Variants in CHCHD5 observed in about 807,000 individuals in gnomAD.
CHCHD5 encodes the protein coiled-coil-helix-coiled-coil-helix domain containing 5, also known as coiled-coil-helix-coiled-coil-helix domain-containing protein 5.
In CHCHD5, 10 loss-of-function variants were observed where a neutral mutation model predicts 16.0. The observed-to-expected ratio is 0.63, with a 90% CI of 0.39 to 1.06. The LOEUF is 1.06. Among genes scored for constraint, CHCHD5 ranks in the 50% least tolerant of loss-of-function variants. The pLI, the probability that CHCHD5 is intolerant of heterozygous loss-of-function variation, is 0.01. For missense variants in CHCHD5, 163 were observed against 153.4 expected, an observed-to-expected ratio of 1.06 and a Z score of -0.33; for synonymous variants, 55 against 56.3, an observed-to-expected ratio of 0.98 and a Z score of 0.10.
chr2:112,588,036 T>C (rs1236971473), intron 3 of CHCHD5: 2 of 152,332 alleles, frequency 1.3e-5, no homozygotes, highest in East Asian at 3.8e-4. Flanking sequence ...ATGCCTGTAA[T>C]CCCAGCACTT....
chr2:112,586,699 CA>C (rs1685237812), intron 3 of CHCHD5: 8 of 1,164,012 alleles, frequency 6.9e-6, no homozygotes, highest in Admixed American at 5.8e-5. Flanking sequence ...TAAAGCTCTC[CA>C]GTGGCTTTGT....
rs1205532904 is a variant in CHCHD5 at position 112,588,957 on chromosome 2, C to T, written c.*68C>T. 1 of 1,195,208 alleles carries T rather than the reference C, an allele frequency of 8.4e-7. No individual in the cohort carries two copies. The highest frequency in any genetic ancestry group is 1.2e-6 in the Non-Finnish European group (1 of 803,664). The allele number at this position is 1,195,208 out of a possible 1,614,324, so 74.0% of individuals were successfully genotyped here. On this transcript the variant is annotated 3_prime_UTR_variant, in exon 4 of 4. Transcript: ENST00000324913. Reference sequence around the variant, plus strand: ...CCCACGCCCCTCCCCTGCAGAGTGGCCAGATGGAGTCCTGAGCCCTGGACA... The same window carrying T: ...CCCACGCCCCTCCCCTGCAGAGTGGTCAGATGGAGTCCTGAGCCCTGGACA...
At chr2:112,586,539 G>A (rs576134415) in intron 3 of CHCHD5, 174 bp downstream of exon 3, 75 of 1,539,810 alleles carry the variant, frequency 4.9e-5, no homozygotes, top group Admixed American at 3.7e-4. Flanking sequence ...TATAGCCCCT[G>A]CTTTAATCCA....
Position 112,588,985 on chromosome 2 carries a change from G to A in CHCHD5, c.*96G>A, listed in dbSNP as rs1685305818. The A allele has an allele frequency of 3.5e-5, 31 of 882,162 alleles. No individual in the cohort carries two copies. Among genetic ancestry groups the A allele is most frequent in the Middle Eastern group, 4.4e-4 (2 of 4,586 alleles). 54.6% of individuals were successfully genotyped at this position (882,162 alleles called of 1,614,324 possible). A position where few individuals can be genotyped will look rare whatever the true frequency, so the allele number is the denominator to read the frequency against. ...GATGGAGTCCTGAGCCCTGGACATGGGCCCGGCTTTCCTGGATATCAGGAC... is the reference window on the plus strand; with the variant it reads ...GATGGAGTCCTGAGCCCTGGACATGAGCCCGGCTTTCCTGGATATCAGGAC... On this transcript the variant is annotated 3_prime_UTR_variant, in exon 4 of 4. Coordinates refer to ENST00000324913, the MANE Select transcript of CHCHD5 (RefSeq NM_032309.4).
intron 3 of CHCHD5, 191 bp from the exon 4 acceptor site, chr2:112,588,675 G>A (rs1374756032): frequency 8.8e-6 from 5 of 568,190 alleles, no homozygotes; most frequent in East Asian, 6.1e-5. Flanking sequence ...GCAGAATGGC[G>A]CGTTCCCTGC....
chr2:112,589,026 ACT>A lies in CHCHD5; in HGVS notation c.*140_*141del, dbSNP rs1362655461. 6.1e-6 allele frequency: 4 copies of A among 657,118 alleles called. No individual in the cohort carries two copies. Among genetic ancestry groups the A allele is most frequent in the South Asian group, 1.8e-5 (1 of 56,034 alleles). The allele number at this position is 657,118 out of a possible 1,614,324, so 40.7% of individuals were successfully genotyped here. A position where few individuals can be genotyped will look rare whatever the true frequency, so the allele number is the denominator to read the frequency against. ...ATATCAGGACTTCCAATAAATAAAGACTCTGTATACTGGGCTTTGATTCCTGC... is the reference window on the plus strand; with the variant it reads ...ATATCAGGACTTCCAATAAATAAAGACTGTATACTGGGCTTTGATTCCTGC... On this transcript the variant is annotated 3_prime_UTR_variant, in exon 4 of 4. Transcript: ENST00000324913.
chr2:112,586,638 G>A (rs1240451831), intron 3 of CHCHD5: 48 of 1,457,166 alleles, frequency 3.3e-5, no homozygotes, highest in East Asian at 1.7e-4. Context: ...TCCATAAAGC[G>A]GCCTGGGTGA....
chr2:112,588,291 CAA>C (rs1190688640), intron 3 of CHCHD5: 24 of 97,830 alleles, frequency 2.5e-4, no homozygotes, highest in Admixed American at 5.5e-4. Context: ...CTCTGTCTTC[CAA>C]AAAAAAAAAA....
chr2:112,584,579 C>T (rs1685143885), upstream of CHCHD5: 1 of 1,608,160 alleles, frequency 6.2e-7, no homozygotes, highest in Admixed American at 1.7e-5. Context: ...TGGGCGCCGC[C>T]ATGACAACCG....
In CHCHD5 at chr2:112,586,838, G is replaced by A. The variant is rs1685241530; in HGVS notation, c.309+473G>A. ...TACTCCTCATCTGCAACTGCAGAGGGGCTGGGCTGGGGTGGCCAAAAAAAG... is the reference window on the plus strand; with the variant it reads ...TACTCCTCATCTGCAACTGCAGAGGAGCTGGGCTGGGGTGGCCAAAAAAAG... On this transcript the variant is annotated intron_variant, in intron 3 of 3. Transcript: ENST00000324913. The A allele has an allele frequency of 2.3e-5, 10 of 435,352 alleles. No individual in the cohort carries two copies. The East Asian group carries it at 3.7e-4, about 16-fold the overall frequency. The allele number at this position is 435,352 out of a possible 1,614,324, so 27.0% of individuals were successfully genotyped here.
chr2:112,586,655 A>C (rs1685236843), intron 3 of CHCHD5: 1 of 1,424,422 alleles, frequency 7.0e-7, no homozygotes, highest in Non-Finnish European at 9.2e-7. Context: ...GTGAGCATGT[A>C]AGGACTGAAA....
chr2:112,586,027 A>C lies in CHCHD5; in HGVS notation c.56A>C (p.Tyr19Ser). The C allele has an allele frequency of 6.2e-7, 1 of 1,614,242 alleles. No homozygotes were observed. ...ARYCGRELEQYGQCVAAKPES... is the reference protein window; with the variant it reads ...ARYCGRELEQSGQCVAAKPES... ...TACTGTGGCCGGGAGCTGGAGCAGT[A>C]TGGCCAGTGTGTGGCGGCCAAGCCG... Residue 19 changes from tyrosine to serine, a missense_variant, in exon 2 of 4, where the codon TAT becomes TCT. Coordinates refer to ENST00000324913, the MANE Select transcript of CHCHD5 (RefSeq NM_032309.4).
chr2:112,586,493 C>G, intron 3 of CHCHD5, 128 bp downstream of exon 3: 2 of 1,556,160 alleles, frequency 1.3e-6, no homozygotes, highest in Non-Finnish European at 1.7e-6. Flanking sequence ...CTTTGCCATG[C>G]ATCCAGAATC....
chr2:112,585,929 C>T (rs1367587183), intron 1 of CHCHD5, 45 bp from the exon 2 acceptor site: 8 of 1,571,710 alleles, frequency 5.1e-6, no homozygotes, highest in African/African-American at 1.4e-5. Flanking sequence ...AATTCCCTTG[C>T]TTGCCTACTG....
At chr2:112,585,520 C>T (rs1558672172) in intron 1 of CHCHD5, among the ~76,000 whole-genome samples, 1 of 152,220 alleles carries the variant, frequency 6.6e-6, no homozygotes, top group African/African-American at 2.4e-5. Context: ...GGCCTCACCT[C>T]TCCACTTCTT....
intron 1 of CHCHD5, 39 bp from the exon 2 acceptor site, chr2:112,585,935 T>A (rs1685197238): frequency 1.3e-6 from 2 of 1,576,144 alleles, no homozygotes; most frequent in Non-Finnish European, 1.7e-6. Flanking sequence ...CTTGCTTGCC[T>A]ACTGCCTGGA....
intron 3 of CHCHD5, chr2:112,588,254 C>T (rs1255983881): frequency 6.6e-6 from 1 of 150,620 alleles, no homozygotes; most frequent in Admixed American, 6.6e-5. Flanking sequence ...TGCACCATTG[C>T]ACTCTAGCCT....
At chr2:112,584,772 C>G in intron 1 of CHCHD5, 123 bp downstream of exon 1, 1 of 1,230,776 alleles carries the variant, frequency 8.1e-7, no homozygotes, top group Non-Finnish European at 1.2e-6. Context: ...AGATCTGACC[C>G]TCAGGATTCA....
At position 112,586,080 on chromosome 2, in the gene CHCHD5, C is replaced by T; in HGVS notation, c.109C>T (p.Leu37Phe). 1 of 1,613,542 alleles carries T rather than the reference C, an allele frequency of 6.2e-7. No individual in the cohort carries two copies. Among genetic ancestry groups the T allele is most frequent in the Non-Finnish European group, 8.5e-7 (1 of 1,179,778 alleles). ...ATCCTGGCAGCGGGACTGTCACTAC[C>T]TTAAGATGAGCATTGCCCAGTGCAC... ...PESWQRDCHY[L>F]KMSIAQCTSS... The change falls in exon 2 of 4, where the codon CTT becomes TTT. Residue 37 changes from leucine (L) to phenylalanine (F), a missense_variant. Leu to Phe is a conservative substitution (Grantham distance 22, BLOSUM62 0). Transcript: ENST00000324913.
Sources: gnomAD v4.1 joint callset for allele counts (sites outside exome capture counted in the v4.1 genomes callset) on GRCh38, gnomAD v4.1.1 for gene constraint, MANE v1.5 for transcripts, NCBI Gene and HGNC (gene_info 2026-07-23, HGNC 2026-07-21) for gene names.